TBC1D5: variants seen among roughly 807,000 people sequenced by gnomAD.
TBC1D5 encodes TBC1 domain family, member 5.
TBC1D5 carries 75 observed loss-of-function variants against 100.3 expected under a neutral mutation model. That is an observed-to-expected ratio of 0.75 (90% confidence interval 0.62 to 0.91). TBC1D5 has a LOEUF of 0.91. Among genes scored for constraint, TBC1D5 ranks in the 40% least tolerant of loss-of-function variants. The pLI is 0.00. For synonymous variants in TBC1D5, 323 were observed against 325.6 expected (o/e 0.99, Z 0.09); for missense variants, 910 against 942.4 (o/e 0.97, Z 0.45).
chr3:17,520,206 A>G (rs1271653110), intron 2 of TBC1D5, among the ~76,000 whole-genome samples: 1 of 152,214 alleles, frequency 6.6e-6, no homozygotes, highest in African/African-American at 2.4e-5. Flanking sequence ...ATAAATACGA[A>G]AGCCTATTAG....
At chr3:17,616,499 C>A (rs2062163755) in intron 2 of TBC1D5, among the ~76,000 whole-genome samples, 1 of 151,764 alleles carries the variant, frequency 6.6e-6, no homozygotes, top group African/African-American at 2.4e-5. Flanking sequence ...GTTAAAGTCT[C>A]CCATTATTAT....
At chr3:17,317,084 G>A (rs2084787948) in intron 13 of TBC1D5, among the ~76,000 whole-genome samples, 1 of 152,044 alleles carries the variant, frequency 6.6e-6, no homozygotes, top group Non-Finnish European at 1.5e-5. Flanking sequence ...CCCCCTCCAC[G>A]CTAAATCCCC....
rs1576480271 is a variant in TBC1D5 at position 17,519,675 on chromosome 3, C to T, written c.-35-11070G>A. On this transcript the variant is annotated intron_variant, in intron 2 of 21. Transcript: ENST00000253692. ...CATTTATTCAATGAATCAACAAAAA[C>T]AAAGACATGCTTCAGTATAATTCCC... is the stretch of plus-strand genomic sequence containing the variant. Among the ~76,000 whole-genome samples the T allele has an allele frequency of 2.6e-5, 4 of 152,150 alleles. No individual in the cohort carries two copies. The South Asian group carries it at 8.3e-4, about 31-fold the overall frequency.
intron 18 of TBC1D5, among the ~76,000 whole-genome samples, chr3:17,189,754 T>TATGCTCCATTACCATGGTCCTTCCC (rs2069630030): frequency 2.6e-5 from 4 of 152,228 alleles, no homozygotes; most frequent in African/African-American, 9.6e-5. Flanking sequence ...CATCCCTTCC[T>TATGCTCCATTACCATGGTCCTTCCC]ATGCTCCATT....
Position 17,321,443 on chromosome 3 carries a change from T to TAA in TBC1D5, c.996-13310_996-13309insTT, listed in dbSNP as rs544657258. Among the ~76,000 whole-genome samples the TAA allele has an allele frequency of 2.6e-5, 4 of 152,360 alleles. No individual in the cohort carries two copies. In the South Asian group the frequency reaches 8.3e-4, roughly 32 times the overall value. On this transcript the variant is annotated intron_variant, in intron 13 of 21. Transcript: ENST00000253692. ...ACTTATCAATGCATTTTTTCTGTCA[T>TAA]TTATGTTTTGCTATTAAAGCACAAC...
chr3:17,742,185 C>T (rs1430022085), upstream of TBC1D5, among the ~76,000 whole-genome samples: 1 of 152,158 alleles, frequency 6.6e-6, no homozygotes, highest in Admixed American at 6.5e-5. Context: ...CCCTGCCCGC[C>T]AGGGAGCTGA....
At chr3:17,447,914 C>T (rs1030606702) in intron 3 of TBC1D5, among the ~76,000 whole-genome samples, 1 of 152,162 alleles carries the variant, frequency 6.6e-6, no homozygotes, top group Non-Finnish European at 1.5e-5. Flanking sequence ...ATTTGCATCT[C>T]GCCATTTTTA....
At chr3:17,238,181 G>C (rs763383261) in exon 17 of TBC1D5, 8 of 1,613,808 alleles carry the variant, frequency 5.0e-6, no homozygotes, top group Non-Finnish European at 6.8e-6. Context: ...AATTGCACAG[G>C]CATGCTTTCT....
In TBC1D5 at chr3:17,584,394, G is replaced by A. The variant is rs572594654; in HGVS notation, c.-36+39455C>T. On this transcript the variant is annotated intron_variant, in intron 2 of 21. Transcript: ENST00000253692. Reference sequence around the variant, plus strand: ...TAACATAAAAGATATTCTGCTTTCAGTTCACTCTTTCTATTTTCTTATTTC... The same window carrying A: ...TAACATAAAAGATATTCTGCTTTCAATTCACTCTTTCTATTTTCTTATTTC... Among the ~76,000 whole-genome samples, 13 of 152,246 alleles carry A rather than the reference G, an allele frequency of 8.5e-5. No homozygotes were observed. The South Asian group carries it at 2.7e-3, about 32-fold the overall frequency.
chr3:17,351,975 C>G (rs1487094952), intron 13 of TBC1D5, among the ~76,000 whole-genome samples: 5 of 150,048 alleles, frequency 3.3e-5, no homozygotes, highest in Non-Finnish European at 7.4e-5. Flanking sequence ...TTTCATCTAA[C>G]GTTTCATCTA....
intron 13 of TBC1D5, among the ~76,000 whole-genome samples, chr3:17,326,220 G>C (rs1264602875): frequency 6.6e-6 from 1 of 152,112 alleles, no homozygotes; most frequent in Admixed American, 6.5e-5. Context: ...TAATCAAAGA[G>C]AGCAAAACTG....
At chr3:17,498,524 A>C (rs559776225) in intron 3 of TBC1D5, among the ~76,000 whole-genome samples, 91 of 152,328 alleles carry the variant, frequency 6.0e-4, no homozygotes, top group African/African-American at 1.9e-3. Context: ...ACTTGGAAAC[A>C]CTAAAAACTC....
intron 2 of TBC1D5, among the ~76,000 whole-genome samples, chr3:17,545,773 C>T (rs1458641202): frequency 6.6e-6 from 1 of 152,166 alleles, no homozygotes; most frequent in Non-Finnish European, 1.5e-5. Flanking sequence ...AATTACATCA[C>T]TCATTATTTG....
chr3:17,494,785 T>TC (rs2095684468), intron 3 of TBC1D5, among the ~76,000 whole-genome samples: 1 of 152,104 alleles, frequency 6.6e-6, no homozygotes. Context: ...AAGCTGCCCC[T>TC]CCCTCGGGAA....
At chr3:17,454,609 G>A (rs546917230) in intron 3 of TBC1D5, among the ~76,000 whole-genome samples, 5 of 152,048 alleles carry the variant, frequency 3.3e-5, no homozygotes, top group South Asian at 2.1e-4. Context: ...ACAGGTGCCC[G>A]CCACCATGCC....
intron 3 of TBC1D5, among the ~76,000 whole-genome samples, chr3:17,466,656 A>C (rs536233412): frequency 2.0e-5 from 3 of 152,202 alleles, no homozygotes; most frequent in Non-Finnish European, 4.4e-5. Context: ...AATTTCCTTT[A>C]AGGATTCTTT....
rs747229596 is a variant in TBC1D5 at position 17,726,289 on chromosome 3, T to C, written c.-101+13054A>G. 7.9e-5 allele frequency among the ~76,000 whole-genome samples: 12 copies of C among 152,370 alleles called. No homozygotes were observed. The South Asian group carries it at 1.2e-3, about 16-fold the overall frequency. ...ATTTTAAGTTGAGAAATCACCACAC[T>C]ACTTTTCCACAATGGCTAAACTAAT... is the stretch of plus-strand genomic sequence containing the variant. On this transcript the variant is annotated intron_variant, in intron 1 of 21. Transcript: ENST00000253692.
chr3:17,564,870 T>TG (rs1361492160), intron 2 of TBC1D5, among the ~76,000 whole-genome samples: 2 of 151,616 alleles, frequency 1.3e-5, no homozygotes, highest in South Asian at 2.1e-4. Context: ...GTACCATGAG[T>TG]GGGAAAAAAA....
At chr3:17,464,156 G>C (rs897194676) in intron 3 of TBC1D5, among the ~76,000 whole-genome samples, 7 of 151,702 alleles carry the variant, frequency 4.6e-5, no homozygotes, top group Non-Finnish European at 8.8e-5. Flanking sequence ...TCTCCATATT[G>C]GTCAGGCTGG....
Sources: allele counts gnomAD v4.1 joint callset (sites outside exome capture counted in the v4.1 genomes callset), GRCh38; gene constraint gnomAD v4.1.1; transcripts MANE v1.5; gene names NCBI Gene and HGNC (gene_info 2026-07-23, HGNC 2026-07-21).